Variants in FHIT observed in about 807,000 individuals in gnomAD.
FHIT encodes fragile histidine triad diadenosine triphosphatase.
A neutral mutation model predicts 17.9 loss-of-function variants in FHIT; 19 were observed. The observed-to-expected ratio is 1.06, with a 90% CI of 0.74 to 1.56. The LOEUF is 1.56. FHIT is among the 40% of genes most tolerant of loss of function. The pLI is 0.00. For missense variants in FHIT, 248 were observed against 189.2 expected (o/e 1.31, Z -1.82); for synonymous variants, 81 against 69.7 (o/e 1.16, Z -0.81).
In FHIT at chr3:60,319,456, A is replaced by C. The variant is rs553435789; in HGVS notation, c.103+217404T>G. Among the ~76,000 whole-genome samples, 66 of 152,226 alleles carry C rather than the reference A, an allele frequency of 4.3e-4. No homozygotes were observed. In the South Asian group the frequency reaches 0.012, roughly 29 times the overall value. ...CAGGGTGATGTTTTTAAGGGAAAAA[A>C]AAAAAACAACGAACAGAGTAGATGA... On this transcript the variant is annotated intron_variant, in intron 5 of 9. Transcript: ENST00000492590.
intron 5 of FHIT, among the ~76,000 whole-genome samples, chr3:60,437,364 T>A (rs1274536899): frequency 6.6e-6 from 1 of 152,116 alleles, no homozygotes; most frequent in Non-Finnish European, 1.5e-5. Context: ...CATTAAGTTA[T>A]AAAATTCTCT....
chr3:59,751,590 T>A lies in FHIT; in HGVS notation c.*5+631A>T, dbSNP rs1432716709. On this transcript the variant is annotated intron_variant, in intron 9 of 9. Coordinates refer to ENST00000492590, the MANE Select transcript of FHIT (RefSeq NM_002012.4). ...CAAGGAAATTGGCTATAGCTATCTT[T>A]CTACCAGAGTCTTAAACCTATGATC... 1.6e-5 allele frequency: 3 copies of A among 184,532 alleles called. No individual in the cohort carries two copies. The Admixed American group carries it at 2.3e-4, about 14-fold the overall frequency. The allele number at this position is 184,532 out of a possible 1,614,324, so 11.4% of individuals were successfully genotyped here. A position where few individuals can be genotyped will look rare whatever the true frequency, so the allele number is the denominator to read the frequency against.
intron 7 of FHIT, among the ~76,000 whole-genome samples, chr3:59,994,288 A>G (rs1324040975): frequency 6.6e-6 from 1 of 152,124 alleles, no homozygotes; most frequent in African/African-American, 2.4e-5. Flanking sequence ...CATTACATTT[A>G]TTGTAAAAAG....
At chr3:60,338,898 A>C (rs560483113) in intron 5 of FHIT, among the ~76,000 whole-genome samples, 1 of 152,290 alleles carries the variant, frequency 6.6e-6, no homozygotes, top group South Asian at 2.1e-4. Context: ...GCCTGCCTCA[A>C]ACCTCAGCGC....
intron 5 of FHIT, among the ~76,000 whole-genome samples, chr3:60,182,986 A>C (rs1702007104): frequency 6.6e-6 from 1 of 152,120 alleles, no homozygotes; most frequent in Non-Finnish European, 1.5e-5. Context: ...TGTCCATGAC[A>C]ACTCCCCCTC....
rs57588436 is a variant in FHIT at position 60,356,753 on chromosome 3, C to CAAAAAAAAAAAAAAA, written c.103+180092_103+180106dup. ...CTATTATATAGCAGGAAGACAGAGA[C>CAAAAAAAAAAAAAAA]AAAAAAAAAAAAAAAAAAAAAAAAA... is the stretch of plus-strand genomic sequence containing the variant. On this transcript the variant is annotated intron_variant, in intron 5 of 9. Transcript: ENST00000492590. Among the ~76,000 whole-genome samples the CAAAAAAAAAAAAAAA allele has an allele frequency of 5.3e-4, 31 of 58,676 alleles. 1 individual carries two copies. Among genetic ancestry groups the CAAAAAAAAAAAAAAA allele is most frequent in the South Asian group, 2.2e-3 (3 of 1,376 alleles). The allele number at this position is 58,676 out of a possible 152,430, so 38.5% of individuals were successfully genotyped here.
intron 5 of FHIT, among the ~76,000 whole-genome samples, chr3:60,328,736 C>T (rs1300997537): frequency 6.6e-6 from 1 of 152,140 alleles, no homozygotes. Flanking sequence ...TAAGATTGTG[C>T]CCCACCTGTA....
At chr3:60,944,113 C>G (rs1392699523) in intron 3 of FHIT, among the ~76,000 whole-genome samples, 1 of 152,156 alleles carries the variant, frequency 6.6e-6, no homozygotes, top group Admixed American at 6.5e-5. Flanking sequence ...ATGTTTCCTC[C>G]AGTTAAATGA....
chr3:61,164,255 G>A (rs1364650014), intron 2 of FHIT, among the ~76,000 whole-genome samples: 1 of 152,090 alleles, frequency 6.6e-6, no homozygotes, highest in East Asian at 1.9e-4. Flanking sequence ...AGGATTTCTG[G>A]GTATTTTGAA....
At chr3:60,921,842 GCCCAACA>G (rs1707303623) in intron 3 of FHIT, among the ~76,000 whole-genome samples, 1 of 152,206 alleles carries the variant, frequency 6.6e-6, no homozygotes, top group Non-Finnish European at 1.5e-5. Context: ...CATGTTCCCT[GCCCAACA>G]CTATCTTTTC....
chr3:60,497,342 T>C (rs1447980213), intron 5 of FHIT, among the ~76,000 whole-genome samples: 1 of 152,224 alleles, frequency 6.6e-6, no homozygotes, highest in East Asian at 1.9e-4. Flanking sequence ...GAAGCATGTA[T>C]GAAAATATGT....
At chr3:60,569,734 T>TAG (rs1400051089) in intron 4 of FHIT, among the ~76,000 whole-genome samples, 3,144 of 44,084 alleles carry the variant, frequency 0.071, 194 homozygotes, top group African/African-American at 0.27. Context: ...ACTATATATA[T>TAG]ATATATATAT....
intron 5 of FHIT, among the ~76,000 whole-genome samples, chr3:60,144,596 T>G (rs1227555728): frequency 6.6e-6 from 1 of 152,152 alleles, no homozygotes; most frequent in East Asian, 1.9e-4. Context: ...TTTTTAATGT[T>G]TATGTATTTT....
At chr3:59,874,340 T>C (rs917068204) in intron 8 of FHIT, among the ~76,000 whole-genome samples, 6 of 152,198 alleles carry the variant, frequency 3.9e-5, no homozygotes, top group African/African-American at 1.4e-4. Context: ...TTCAAAAAAG[T>C]TAAAAATTGA....
At chr3:59,915,216 T>C (rs757837085) in intron 8 of FHIT, among the ~76,000 whole-genome samples, 4 of 152,140 alleles carry the variant, frequency 2.6e-5, no homozygotes, top group Non-Finnish European at 4.4e-5. Flanking sequence ...GGAGCGAGAA[T>C]TCACTGTGGA....
chr3:61,214,925 G>C (rs2039622447), intron 1 of FHIT, among the ~76,000 whole-genome samples: 1 of 151,926 alleles, frequency 6.6e-6, no homozygotes. Context: ...TACCTCAATA[G>C]ATGCAGAAAA....
At chr3:60,491,681 G>T (rs1292614616) in intron 5 of FHIT, among the ~76,000 whole-genome samples, 1 of 152,066 alleles carries the variant, frequency 6.6e-6, no homozygotes, top group Non-Finnish European at 1.5e-5. Context: ...CGTTCTGTAT[G>T]ATATTTTAAT....
chr3:60,537,919 G>T (rs2036044952), intron 4 of FHIT, among the ~76,000 whole-genome samples: 1 of 151,592 alleles, frequency 6.6e-6, no homozygotes, highest in South Asian at 2.1e-4. Flanking sequence ...GAAAAACAGA[G>T]AAAGGATTAC....
intron 5 of FHIT, among the ~76,000 whole-genome samples, chr3:60,176,994 G>GA (rs1236538499): frequency 2.0e-5 from 3 of 151,790 alleles, no homozygotes; most frequent in Non-Finnish European, 2.9e-5. Flanking sequence ...GAAACAGGAA[G>GA]AAAAAATACA....
Sources: gnomAD v4.1 joint callset for allele counts (sites outside exome capture counted in the v4.1 genomes callset) on GRCh38, gnomAD v4.1.1 for gene constraint, MANE v1.5 for transcripts, NCBI Gene and HGNC (gene_info 2026-07-23, HGNC 2026-07-21) for gene names.